The following CHSY3 variants were observed in gnomAD, a reference collection of about 807,000 sequenced individuals.
CHSY3 encodes chondroitin sulfate synthase 3.
A neutral mutation model predicts 67.2 loss-of-function variants in CHSY3; 35 were observed. That is an observed-to-expected ratio of 0.52 (90% CI 0.40 to 0.69). CHSY3 has a LOEUF of 0.69. CHSY3 is among the 30% of genes least tolerant of loss of function. The pLI, the probability that CHSY3 is intolerant of heterozygous loss-of-function variation, is 0.00. For missense variants in CHSY3, 1,069 were observed against 1,138.5 expected (o/e 0.94, Z 0.88); for synonymous variants, 474 against 434.7 (o/e 1.09, Z -1.12).
At chr5:130,031,065 A>C (rs1764689636) in intron 2 of CHSY3, among the ~76,000 whole-genome samples, 1 of 152,094 alleles carries the variant, frequency 6.6e-6, no homozygotes. Context: ...CATATAAAGA[A>C]GACCAAATGA....
At chr5:129,907,690 A>C (rs553707221) in intron 1 of CHSY3, among the ~76,000 whole-genome samples, 1 of 152,336 alleles carries the variant, frequency 6.6e-6, no homozygotes, top group East Asian at 1.9e-4. Context: ...ATTAGGTATT[A>C]AGAGTCAGCC....
chr5:129,925,543 T>A (rs1761075331), intron 2 of CHSY3, among the ~76,000 whole-genome samples: 1 of 152,178 alleles, frequency 6.6e-6, no homozygotes, highest in Admixed American at 6.5e-5. Context: ...TTAGCATGCG[T>A]TACCTTGCAT....
At chr5:130,157,967 T>A (rs1179376367) in intron 2 of CHSY3, among the ~76,000 whole-genome samples, 4 of 152,260 alleles carry the variant, frequency 2.6e-5, no homozygotes, top group Non-Finnish European at 5.9e-5. Flanking sequence ...TAAGTTGTCA[T>A]GGCATTTATA....
chr5:129,945,953 A>C (rs947766280), intron 2 of CHSY3, among the ~76,000 whole-genome samples: 8 of 151,916 alleles, frequency 5.3e-5, no homozygotes, highest in Non-Finnish European at 8.8e-5. Context: ...AAAAAGAGAG[A>C]TTTTGAGTAA....
chr5:130,128,856 A>G (rs1768385729), intron 2 of CHSY3, among the ~76,000 whole-genome samples: 1 of 152,148 alleles, frequency 6.6e-6, no homozygotes, highest in Non-Finnish European at 1.5e-5. Context: ...AAAGTGGGTT[A>G]AAATATTTCT....
At chr5:129,948,877 T>C (rs1761942822) in intron 2 of CHSY3, among the ~76,000 whole-genome samples, 1 of 152,150 alleles carries the variant, frequency 6.6e-6, no homozygotes. Context: ...ATTCTTGCAG[T>C]AGTGGGATTG....
chr5:130,101,724 A>G (rs1344097419), intron 2 of CHSY3, among the ~76,000 whole-genome samples: 2 of 152,102 alleles, frequency 1.3e-5, no homozygotes, highest in Admixed American at 1.3e-4. Flanking sequence ...CGAAATTTAC[A>G]TTTAGGTAGA....
chr5:130,079,886 G>T (rs184063195), intron 2 of CHSY3, among the ~76,000 whole-genome samples: 2 of 152,132 alleles, frequency 1.3e-5, no homozygotes, highest in Non-Finnish European at 2.9e-5. Context: ...ATCAATAAAA[G>T]GCTAACATTT....
At chr5:130,037,589 AT>A (rs1764895396) in intron 2 of CHSY3, among the ~76,000 whole-genome samples, 1 of 152,142 alleles carries the variant, frequency 6.6e-6, no homozygotes, top group Non-Finnish European at 1.5e-5. Context: ...TATTATATAA[AT>A]AAAGTCTTAA....
Position 130,115,649 on chromosome 5 carries a change from C to G in CHSY3, c.1087-68580C>G, listed in dbSNP as rs112621035. 3.0e-3 allele frequency among the ~76,000 whole-genome samples: 459 copies of G among 152,300 alleles called. 2 individuals carry two copies. The highest frequency in any genetic ancestry group is 0.011 in the African/African-American group (441 of 41,556). On this transcript the variant is annotated intron_variant, in intron 2 of 2. Coordinates refer to ENST00000305031, the MANE Select transcript of CHSY3 (RefSeq NM_175856.5). ...CTTCCACAAGATCTTCTGTCCAAAT[C>G]TGTTAACATTTTACTAATTTAGGGC... is the stretch of plus-strand genomic sequence containing the variant.
At chr5:130,037,918 T>C (rs1197117662) in intron 2 of CHSY3, among the ~76,000 whole-genome samples, 1 of 152,180 alleles carries the variant, frequency 6.6e-6, no homozygotes, top group East Asian at 1.9e-4. Context: ...TAATGAGATA[T>C]TTATTTTTAG....
chr5:130,163,416 C>A (rs1769619331), intron 2 of CHSY3, among the ~76,000 whole-genome samples: 1 of 152,078 alleles, frequency 6.6e-6, no homozygotes, highest in African/African-American at 2.4e-5. Context: ...CATTTCATTT[C>A]TTTACACAAA....
chr5:130,019,295 C>T (rs73785856), intron 2 of CHSY3, among the ~76,000 whole-genome samples: 82 of 152,104 alleles, frequency 5.4e-4, no homozygotes, highest in African/African-American at 2.0e-3. Context: ...ATTTTCCATT[C>T]TCTTTCTTTT....
At chr5:130,000,765 A>G (rs1437274751) in intron 2 of CHSY3, among the ~76,000 whole-genome samples, 3 of 85,598 alleles carry the variant, frequency 3.5e-5, no homozygotes, top group Non-Finnish European at 6.3e-5. Context: ...TTTTGTAGAG[A>G]TGAAATCTTG....
intron 2 of CHSY3, chr5:130,140,416 GA>G (rs1246639872): frequency 2.1e-5 from 17 of 819,312 alleles, no homozygotes; most frequent in Non-Finnish European, 3.2e-5. Flanking sequence ...GGAAATTGCA[GA>G]AACCTACCTT....
chr5:129,964,342 T>C (rs1278629978), intron 2 of CHSY3, among the ~76,000 whole-genome samples: 1 of 151,896 alleles, frequency 6.6e-6, no homozygotes, highest in African/African-American at 2.4e-5. Context: ...TGCCCTAGCA[T>C]CTTCTGTTTC....
chr5:130,118,614 A>G (rs2149707688), intron 2 of CHSY3, among the ~76,000 whole-genome samples: 1 of 152,242 alleles, frequency 6.6e-6, no homozygotes, highest in East Asian at 1.9e-4. Context: ...AAACTGGAAC[A>G]TCTGCTGTCA....
intron 2 of CHSY3, among the ~76,000 whole-genome samples, chr5:130,040,862 A>G (rs1267687055): frequency 2.6e-5 from 4 of 152,080 alleles, no homozygotes; most frequent in Non-Finnish European, 5.9e-5. Context: ...TGAGGCCCCT[A>G]TATGGTTCAA....
chr5:130,118,636 T>C (rs1767903680), intron 2 of CHSY3, among the ~76,000 whole-genome samples: 1 of 152,120 alleles, frequency 6.6e-6, no homozygotes, highest in African/African-American at 2.4e-5. Context: ...GTATGATACT[T>C]TTCAGTAGTA....
Sources: allele counts gnomAD v4.1 joint callset (sites outside exome capture counted in the v4.1 genomes callset), GRCh38; gene constraint gnomAD v4.1.1; transcripts MANE v1.5; gene names NCBI Gene and HGNC (gene_info 2026-07-23, HGNC 2026-07-21).